Variants in TAOK1 observed in about 807,000 individuals in gnomAD.
TAOK1 encodes the protein serine/threonine-protein kinase TAO1.
TAOK1 carries 21 observed loss-of-function variants against 138.3 expected under a neutral mutation model. The ratio of observed to expected loss-of-function variants is 0.15; its 90% confidence interval spans 0.11 to 0.22. The LOEUF is 0.22. Among genes scored for constraint, TAOK1 ranks in the 10% least tolerant of loss-of-function variants. TAOK1 has a pLI of 1.00. For synonymous variants in TAOK1, 361 were observed against 398.4 expected (o/e 0.91, Z 1.12); for missense variants, 651 against 1,227.7 (o/e 0.53, Z 7.02).
At chr17:29,447,030 G>A (rs955936540) in intron 1 of TAOK1, among the ~76,000 whole-genome samples, 4 of 147,994 alleles carry the variant, frequency 2.7e-5, no homozygotes, top group African/African-American at 1.0e-4. Flanking sequence ...GTCAGCCACT[G>A]TGGCTGGCTT....
Position 29,451,569 on chromosome 17 carries a change from A to C in TAOK1, c.21A>C (p.Ala7=), listed in dbSNP as rs1387685304. 1.9e-6 allele frequency: 3 copies of C among 1,613,070 alleles called. No individual in the cohort carries two copies. The highest frequency in any genetic ancestry group is 2.5e-6 in the Non-Finnish European group (3 of 1,179,600). The change falls in exon 2 of 20, where the codon GCA becomes GCC. Residue 7 remains alanine, a synonymous_variant. Coordinates refer to ENST00000261716, the MANE Select transcript of TAOK1 (RefSeq NM_020791.4). MPSTNR[A]GSLKDPEIAE... The stretch of plus-strand genomic sequence containing the variant: ...GCAGGATGCCATCAACTAACAGAGC[A>C]GGCAGCCTGAAGGACCCTGAAATTG...
Position 29,451,545 on chromosome 17 carries a change from C to T in TAOK1, c.-4C>T. 6.2e-7 allele frequency: 1 copy of T among 1,608,966 alleles called. No homozygotes were observed. The highest frequency in any genetic ancestry group is 8.5e-7 in the Non-Finnish European group (1 of 1,177,894). On this transcript the variant is annotated 5_prime_UTR_variant, in exon 2 of 20. Transcript: ENST00000261716. ...AGAATCAAGACAGCTGACTGCTCAG[C>T]AGGATGCCATCAACTAACAGAGCAG...
At chr17:29,397,675 A>ATATGTATATTCATGTATG in intron 1 of TAOK1, among the ~76,000 whole-genome samples, 1 of 145,986 alleles carries the variant, frequency 6.8e-6, no homozygotes, top group African/African-American at 2.5e-5. Flanking sequence ...ATACATGTAT[A>ATATGTATATTCATGTATG]CATGTATACA....
chr17:29,464,698 A>T (rs1352094889), intron 2 of TAOK1, among the ~76,000 whole-genome samples: 1 of 152,148 alleles, frequency 6.6e-6, no homozygotes. Flanking sequence ...ATGTGGCTAG[A>T]TCTACTTCAC....
intron 1 of TAOK1, among the ~76,000 whole-genome samples, chr17:29,427,006 C>T (rs7225408): frequency 0.011 from 1,676 of 152,090 alleles, 31 homozygotes; most frequent in African/African-American, 0.038. Context: ...CTTAGTTGCA[C>T]CAACTACATT....
chr17:29,485,577 T>G (rs1304778397), intron 8 of TAOK1, among the ~76,000 whole-genome samples: 1 of 152,180 alleles, frequency 6.6e-6, no homozygotes, highest in Non-Finnish European at 1.5e-5. Flanking sequence ...AGTTTGAGGC[T>G]GCAGTGAGCT....
chr17:29,521,120 A>G (rs1441460456), intron 16 of TAOK1, among the ~76,000 whole-genome samples: 1 of 152,158 alleles, frequency 6.6e-6, no homozygotes, highest in Admixed American at 6.5e-5. Context: ...TAAAACATAT[A>G]TTGTTGTTCA....
At chr17:29,533,674 A>G (rs2032169941) in intron 18 of TAOK1, among the ~76,000 whole-genome samples, 1 of 151,848 alleles carries the variant, frequency 6.6e-6, no homozygotes, top group African/African-American at 2.4e-5. Flanking sequence ...CCCCGTCTCC[A>G]CCAAAAAAAT....
intron 3 of TAOK1, among the ~76,000 whole-genome samples, chr17:29,471,925 A>T (rs1034563161): frequency 6.6e-6 from 1 of 152,196 alleles, no homozygotes; most frequent in Non-Finnish European, 1.5e-5. Flanking sequence ...TTGCCCATCT[A>T]TTACAAATAG....
At chr17:29,479,474 G>C (rs2031014331) in intron 6 of TAOK1, among the ~76,000 whole-genome samples, 1 of 151,354 alleles carries the variant, frequency 6.6e-6, no homozygotes, top group South Asian at 2.1e-4. Context: ...TGAGTTAATA[G>C]GTTATCATTT....
At chr17:29,450,678 A>G (rs745350973) in intron 1 of TAOK1, among the ~76,000 whole-genome samples, 1 of 152,022 alleles carries the variant, frequency 6.6e-6, no homozygotes, top group African/African-American at 2.4e-5. Context: ...CTCTTGGCTA[A>G]TTTTTTAAAT....
At chr17:29,430,781 C>A (rs1033213011) in intron 1 of TAOK1, among the ~76,000 whole-genome samples, 2 of 152,172 alleles carry the variant, frequency 1.3e-5, no homozygotes, top group African/African-American at 4.8e-5. Context: ...GGTCTTTCTT[C>A]TGTAACTGCT....
chr17:29,418,668 C>G lies in TAOK1; in HGVS notation c.-95+27644C>G, dbSNP rs530964888. Reference sequence around the variant, plus strand: ...TATACTTTAAATCTTCTGTAGATTACTTATAATACTAAATGCATTCCCTAC... The same window carrying G: ...TATACTTTAAATCTTCTGTAGATTAGTTATAATACTAAATGCATTCCCTAC... On this transcript the variant is annotated intron_variant, in intron 1 of 19. Coordinates refer to ENST00000261716, the MANE Select transcript of TAOK1 (RefSeq NM_020791.4). 5.9e-5 allele frequency among the ~76,000 whole-genome samples: 9 copies of G among 152,306 alleles called. No individual in the cohort carries two copies. In the South Asian group the frequency reaches 1.9e-3, roughly 32 times the overall value.
intron 3 of TAOK1, among the ~76,000 whole-genome samples, chr17:29,471,056 G>A (rs2030801544): frequency 6.6e-6 from 1 of 151,884 alleles, no homozygotes; most frequent in South Asian, 2.1e-4. Context: ...AACCCAGGAG[G>A]AAGAGGTACA....
rs1240655637 is a variant in TAOK1, at chr17:29,549,088, GT to G, written c.*6069del. ...TGTAAATTATGCAGGTGATAACATG[GT>G]TTGGAACTGTTTATTGGGCTCTTTA... is the stretch of plus-strand genomic sequence containing the variant. On this transcript the variant is annotated 3_prime_UTR_variant, in exon 20 of 20. Transcript: ENST00000261716. The G allele has an allele frequency of 6.6e-6, 1 of 152,176 alleles. No individual in the cohort carries two copies. The highest frequency in any genetic ancestry group is 1.9e-4 in the East Asian group (1 of 5,200). 9.4% of individuals were successfully genotyped at this position (152,176 alleles called of 1,614,324 possible).
intron 9 of TAOK1, among the ~76,000 whole-genome samples, 183 bp downstream of exon 9, chr17:29,489,940 C>T (rs145596742): frequency 2.7e-3 from 408 of 152,004 alleles, no homozygotes; most frequent in Middle Eastern, 0.01. Flanking sequence ...TCATGGCATA[C>T]GTATAACTGA....
At chr17:29,397,615 T>A (rs80063027) in intron 1 of TAOK1, among the ~76,000 whole-genome samples, 25,012 of 54,756 alleles carry the variant, frequency 0.46, 3,903 homozygotes, top group Middle Eastern at 0.62. Context: ...CCCAAAAAAA[T>A]ATATATATAT....
Position 29,426,343 on chromosome 17 carries a change from C to T in TAOK1, c.-94-25112C>T, listed in dbSNP as rs367963063. Among the ~76,000 whole-genome samples the T allele has an allele frequency of 2.6e-5, 4 of 152,166 alleles. No individual in the cohort carries two copies. In the East Asian group the frequency reaches 5.8e-4, roughly 22 times the overall value. ...AATGGAGAAAATAAATAATTATAAG[C>T]TAGTATGATAAGTGCAATATCAGAG... On this transcript the variant is annotated intron_variant, in intron 1 of 19. Coordinates refer to ENST00000261716, the MANE Select transcript of TAOK1 (RefSeq NM_020791.4).
At chr17:29,463,150 G>A (rs1430352202) in intron 2 of TAOK1, among the ~76,000 whole-genome samples, 1 of 151,496 alleles carries the variant, frequency 6.6e-6, no homozygotes, top group African/African-American at 2.4e-5. Context: ...TGCTATTCTT[G>A]TCATATGTAT....
Sources: gnomAD v4.1 joint callset for allele counts (sites outside exome capture counted in the v4.1 genomes callset) on GRCh38, gnomAD v4.1.1 for gene constraint, MANE v1.5 for transcripts, NCBI Gene and HGNC (gene_info 2026-07-23, HGNC 2026-07-21) for gene names.